The following SPOP variants were observed in gnomAD, a reference collection of about 807,000 sequenced individuals.
SPOP encodes the protein speckle type BTB/POZ protein, also known as speckle-type POZ protein.
In SPOP, 11 loss-of-function variants were observed where a neutral mutation model predicts 45.6. That is an observed-to-expected ratio of 0.24 (90% CI 0.15 to 0.40). The LOEUF (loss-of-function observed/expected upper bound fraction) is 0.40, where lower values mean the gene tolerates loss of function less well. Among genes scored for constraint, SPOP ranks in the 10% least tolerant of loss-of-function variants. SPOP has a pLI of 1.00. For missense variants in SPOP, 152 were observed against 465.6 expected (o/e 0.33, Z 6.20); for synonymous variants, 166 against 166.3 (o/e 1.00, Z 0.01).
At chr17:49,658,292 T>C (rs1440756450) in intron 1 of SPOP, among the ~76,000 whole-genome samples, 1 of 152,204 alleles carries the variant, frequency 6.6e-6, no homozygotes, top group Non-Finnish European at 1.5e-5. Flanking sequence ...ATGGTGGGAT[T>C]TGGGGTAATT....
intron 1 of SPOP, among the ~76,000 whole-genome samples, chr17:49,666,458 C>G (rs1044223659): frequency 9.0e-4 from 124 of 137,870 alleles, no homozygotes; most frequent in African/African-American, 2.3e-3. Flanking sequence ...GACACACACA[C>G]ACACACACAC....
intron 1 of SPOP, among the ~76,000 whole-genome samples, chr17:49,638,874 G>C (rs1007748222): frequency 6.6e-6 from 1 of 152,156 alleles, no homozygotes; most frequent in African/African-American, 2.4e-5. Flanking sequence ...TTAGCCAGGC[G>C]TGGTGACGGG....
intron 5 of SPOP, among the ~76,000 whole-genome samples, chr17:49,618,057 T>G (rs2143250689): frequency 6.6e-6 from 1 of 152,212 alleles, no homozygotes; most frequent in East Asian, 1.9e-4. Flanking sequence ...CCTTTGAAAC[T>G]GTCATTAACT....
chr17:49,658,212 A>C lies in SPOP; in HGVS notation c.-67+19721T>G, dbSNP rs2072940854. Among the ~76,000 whole-genome samples the C allele has an allele frequency of 2.0e-5, 3 of 152,340 alleles. No homozygotes were observed. The South Asian group carries it at 6.2e-4, about 32-fold the overall frequency. On this transcript the variant is annotated intron_variant, in intron 1 of 9. Coordinates refer to ENST00000504102, the MANE Select transcript of SPOP (RefSeq NM_001007228.2). ...CAATTTTTTATAGATATAAATATCT[A>C]CATGCACATACACATTTAGAGAAAT...
At chr17:49,676,118 C>A (rs576161513) in intron 1 of SPOP, 2 of 152,130 alleles carry the variant, frequency 1.3e-5, no homozygotes, top group Non-Finnish European at 2.9e-5. Context: ...CTAGATACTA[C>A]CTAAGTAATA....
chr17:49,611,127 G>A (rs1418973447), intron 6 of SPOP, among the ~76,000 whole-genome samples, 153 bp downstream of exon 6: 2 of 152,280 alleles, frequency 1.3e-5, no homozygotes, highest in South Asian at 4.1e-4. Context: ...TTTTGGTTCT[G>A]AGCATTGTTA....
chr17:49,623,009 AAT>A, intron 1 of SPOP, 133 bp from the exon 2 acceptor site: 3 of 521,578 alleles, frequency 5.8e-6, no homozygotes, highest in South Asian at 5.1e-5. Flanking sequence ...GAGGTCCTAA[AAT>A]TTTTTTTTTT....
At chr17:49,642,290 A>T (rs1222320819) in intron 1 of SPOP, among the ~76,000 whole-genome samples, 1 of 152,112 alleles carries the variant, frequency 6.6e-6, no homozygotes, top group Non-Finnish European at 1.5e-5. Context: ...TCAATAAAAA[A>T]GTTCTTCAGC....
At chr17:49,662,561 C>A (rs2143537940) in intron 1 of SPOP, among the ~76,000 whole-genome samples, 1 of 152,122 alleles carries the variant, frequency 6.6e-6, no homozygotes, top group East Asian at 1.9e-4. Context: ...ATGGCAGGCG[C>A]CTGTAATCCC....
At chr17:49,654,002 G>A (rs1273589383) in intron 1 of SPOP, among the ~76,000 whole-genome samples, 1 of 152,040 alleles carries the variant, frequency 6.6e-6, no homozygotes, top group East Asian at 1.9e-4. Context: ...TGAATCCCAA[G>A]AAGGCCTAAT....
intron 1 of SPOP, among the ~76,000 whole-genome samples, chr17:49,649,435 G>A (rs2072810033): frequency 6.6e-6 from 1 of 152,104 alleles, no homozygotes. Context: ...TACTAGGGAG[G>A]CTGAGGCAGG....
intron 1 of SPOP, among the ~76,000 whole-genome samples, chr17:49,669,071 C>T (rs956848340): frequency 1.3e-4 from 9 of 70,970 alleles, no homozygotes; most frequent in Non-Finnish European, 2.1e-4. Flanking sequence ...CCACCGCGCC[C>T]GGCCTTTTTT....
At chr17:49,617,923 C>CAAAA (rs907445153) in intron 5 of SPOP, among the ~76,000 whole-genome samples, 15 of 55,532 alleles carry the variant, frequency 2.7e-4, no homozygotes, top group Non-Finnish European at 4.5e-4. Flanking sequence ...GACTCCGTCT[C>CAAAA]AAAAAAAAAA....
At chr17:49,620,271 A>C (rs528617558) in intron 3 of SPOP, among the ~76,000 whole-genome samples, 1 of 152,288 alleles carries the variant, frequency 6.6e-6, no homozygotes, top group Non-Finnish European at 1.5e-5. Flanking sequence ...AGATCACTTA[A>C]GTTCGAGAAT....
intron 1 of SPOP, among the ~76,000 whole-genome samples, chr17:49,633,141 G>C (rs2072483099): frequency 6.6e-6 from 1 of 152,172 alleles, no homozygotes; most frequent in East Asian, 1.9e-4. Context: ...CCAGTTTACA[G>C]GTATTTCTTA....
intron 1 of SPOP, among the ~76,000 whole-genome samples, chr17:49,634,235 C>G (rs1034223732): frequency 6.6e-6 from 1 of 152,210 alleles, no homozygotes; most frequent in Non-Finnish European, 1.5e-5. Flanking sequence ...CTTCTCCATT[C>G]TCACAAATTA....
chr17:49,666,279 G>C (rs2073056612), intron 1 of SPOP, among the ~76,000 whole-genome samples: 1 of 151,710 alleles, frequency 6.6e-6, no homozygotes, highest in Non-Finnish European at 1.5e-5. Context: ...CATATTTCAG[G>C]GTTATCTTTA....
chr17:49,617,814 C>T (rs2072119934), intron 5 of SPOP, among the ~76,000 whole-genome samples: 1 of 150,654 alleles, frequency 6.6e-6, no homozygotes, highest in South Asian at 2.1e-4. Flanking sequence ...ATCCCAGCTA[C>T]TTGGGAGGCT....
chr17:49,676,508 A>G (rs928718231), intron 1 of SPOP, among the ~76,000 whole-genome samples: 1 of 152,178 alleles, frequency 6.6e-6, no homozygotes, highest in African/African-American at 2.4e-5. Context: ...GCAGCCAAAA[A>G]AGCCTTGAGA....
Sources: allele counts gnomAD v4.1 joint callset (sites outside exome capture counted in the v4.1 genomes callset), GRCh38; gene constraint gnomAD v4.1.1; transcripts MANE v1.5; gene names NCBI Gene and HGNC (gene_info 2026-07-23, HGNC 2026-07-21).